ANO1: variants seen among roughly 807,000 people sequenced by gnomAD.
ANO1 encodes the protein anoctamin 1, also known as anoctamin-1.
Under a neutral mutation model 124.0 loss-of-function variants are expected in ANO1, and 59 were observed. The observed-to-expected ratio is 0.48, with a 90% CI of 0.39 to 0.59. ANO1 has a LOEUF of 0.59. Ranked by LOEUF, ANO1 falls within the 20% of genes least tolerant of loss-of-function variation. The probability of loss-of-function intolerance (pLI) is 0.00; values close to 1 mark genes in which losing one functional copy is unlikely to be tolerated. For missense variants in ANO1, 1,059 were observed against 1,328.0 expected (o/e 0.80, Z 3.15); for synonymous variants, 529 against 532.0 (o/e 0.99, Z 0.08).
intron 1 of ANO1, among the ~76,000 whole-genome samples, chr11:70,084,309 A>C (rs1285769253): frequency 2.0e-5 from 3 of 152,148 alleles, no homozygotes; most frequent in African/African-American, 7.2e-5. Context: ...TTTAGTCACC[A>C]GCTCCCTGTA....
chr11:70,128,657 C>A (rs1000345399), intron 10 of ANO1, among the ~76,000 whole-genome samples: 2 of 152,232 alleles, frequency 1.3e-5, no homozygotes, highest in African/African-American at 4.8e-5. Flanking sequence ...CTGCAGCTTC[C>A]GCCCCATCCC....
intron 1 of ANO1, among the ~76,000 whole-genome samples, chr11:70,016,748 T>G (rs782095302): frequency 1.3e-5 from 2 of 152,196 alleles, no homozygotes; most frequent in Non-Finnish European, 2.9e-5. Flanking sequence ...GGCCCCAAAG[T>G]AGGGCTGTGG....
At chr11:70,101,909 C>CCCACT (rs1486094835) in intron 2 of ANO1, among the ~76,000 whole-genome samples, 2 of 152,318 alleles carry the variant, frequency 1.3e-5, no homozygotes, top group Non-Finnish European at 2.9e-5. Flanking sequence ...GACCAAGGCC[C>CCCACT]CCACTGCCTT....
intron 11 of ANO1, among the ~76,000 whole-genome samples, chr11:70,139,734 G>A (rs1019287567): frequency 1.3e-5 from 2 of 152,148 alleles, no homozygotes; most frequent in African/African-American, 4.8e-5. Flanking sequence ...TGTGTCTATG[G>A]TAGAACAATT....
intron 1 of ANO1, among the ~76,000 whole-genome samples, chr11:70,028,139 T>C (rs901451562): frequency 6.6e-6 from 1 of 152,236 alleles, no homozygotes. Flanking sequence ...TGAATACATT[T>C]TAAAATCTGT....
At chr11:70,067,703 G>A (rs1485424088) in intron 1 of ANO1, among the ~76,000 whole-genome samples, 1 of 152,172 alleles carries the variant, frequency 6.6e-6, no homozygotes, top group Non-Finnish European at 1.5e-5. Flanking sequence ...CCCGGTGGAT[G>A]CACAGGCAGC....
At position 70,045,722 on chromosome 11, in the gene ANO1, G is replaced by A. The variant is rs578258695; in HGVS notation, c.59-32820G>A. ...AAGGCTCTCTTCCCACAATATCCAC[G>A]TGAAAAGATGTTTCAAGATGAGCTC... is the stretch of plus-strand genomic sequence containing the variant. On this transcript the variant is annotated intron_variant, in intron 1 of 27. Transcript: ENST00000531349. Among the ~76,000 whole-genome samples, 13 of 152,216 alleles carry A rather than the reference G, an allele frequency of 8.5e-5. No individual in the cohort carries two copies. The East Asian group carries it at 2.1e-3, about 25-fold the overall frequency.
chr11:70,141,521 C>CG (rs891711682), intron 11 of ANO1: 24 of 152,160 alleles, frequency 1.6e-4, no homozygotes, highest in African/African-American at 5.6e-4. Context: ...CCATTTTGAG[C>CG]GGGGGCGGGG....
chr11:70,142,715 C>T (rs1035735581), intron 11 of ANO1, among the ~76,000 whole-genome samples: 1 of 152,214 alleles, frequency 6.6e-6, no homozygotes, highest in Non-Finnish European at 1.5e-5. Context: ...CCTGCAACAA[C>T]AGGCATGCAT....
chr11:69,970,038 G>T, the ANO1 span, among the ~76,000 whole-genome samples: 1 of 152,222 alleles, frequency 6.6e-6, no homozygotes, highest in East Asian at 1.9e-4. Flanking sequence ...TCAGAAAGGG[G>T]GTTCCCCGGT....
chr11:70,124,424 C>A lies in ANO1; in HGVS notation c.962+10C>A. On this transcript the variant is annotated intron_variant, in intron 9 of 25. Transcript: ENST00000355303. ...CCATCGACCTGGTCAGGTAAGAACG[C>A]GCCACAGCCTGCGGGAATCAAGTCC... The A allele has an allele frequency of 6.2e-7, 1 of 1,613,482 alleles. No homozygotes were observed. The highest frequency in any genetic ancestry group is 1.1e-5 in the South Asian group (1 of 91,068).
At chr11:70,157,876 A>G (rs915526209) in intron 16 of ANO1, among the ~76,000 whole-genome samples, 1 of 146,992 alleles carries the variant, frequency 6.8e-6, no homozygotes, top group African/African-American at 2.5e-5. Flanking sequence ...GCTATTCGGG[A>G]GGCTGTAGTG....
At chr11:70,014,440 C>T (rs188065945) in intron 1 of ANO1, among the ~76,000 whole-genome samples, 7 of 152,292 alleles carry the variant, frequency 4.6e-5, no homozygotes, top group Admixed American at 2.6e-4. Flanking sequence ...CCCGCAAGCC[C>T]TCTGCTCCCG....
rs1360686655 is a variant in ANO1, at chr11:70,126,052, C to G, written c.963-9C>G. 1 of 1,604,818 alleles carries G rather than the reference C, an allele frequency of 6.2e-7. No individual in the cohort carries two copies. Among genetic ancestry groups the G allele is most frequent in the East Asian group, 2.2e-5 (1 of 44,610 alleles). Reference sequence around the variant, plus strand: ...GTGGGCTTGACTCTGCTCTGCTCCCCTGGTGTAGGAAGTATTTTGGGGAGA... The same window carrying G: ...GTGGGCTTGACTCTGCTCTGCTCCCGTGGTGTAGGAAGTATTTTGGGGAGA... On this transcript the variant is annotated splice_polypyrimidine_tract_variant and intron_variant, in intron 9 of 25. Coordinates refer to ENST00000355303, the MANE Select transcript of ANO1 (RefSeq NM_018043.7).
Position 70,116,622 on chromosome 11 carries a change from G to A in ANO1, c.897+123G>A. Reference sequence around the variant, plus strand: ...CCAGGGCCTCCCCAGGGCGCTCGCTGCAGGGGGCTGAGAAGCGGGTGTCCC... The same window carrying A: ...CCAGGGCCTCCCCAGGGCGCTCGCTACAGGGGGCTGAGAAGCGGGTGTCCC... On this transcript the variant is annotated intron_variant, in intron 8 of 25. Coordinates refer to ENST00000355303, the MANE Select transcript of ANO1 (RefSeq NM_018043.7). The A allele has an allele frequency of 5.7e-6, 5 of 876,450 alleles. No individual in the cohort carries two copies. The Admixed American group carries it at 7.2e-5, about 13-fold the overall frequency. 54.3% of individuals were successfully genotyped at this position (876,450 alleles called of 1,614,324 possible).
upstream of ANO1, among the ~76,000 whole-genome samples, chr11:69,984,361 TGGG>T (rs1855986863): frequency 6.6e-6 from 1 of 151,768 alleles, no homozygotes; most frequent in African/African-American, 2.4e-5. Flanking sequence ...AGTGCCTGTG[TGGG>T]ATTTTGAGTC....
At chr11:70,099,608 G>A (rs1449197101) in intron 2 of ANO1, among the ~76,000 whole-genome samples, 1 of 152,150 alleles carries the variant, frequency 6.6e-6, no homozygotes, top group Non-Finnish European at 1.5e-5. Flanking sequence ...GGGTCACCAG[G>A]ATGGAAGACC....
intron 1 of ANO1, among the ~76,000 whole-genome samples, chr11:70,009,132 T>G (rs1555000605): frequency 6.6e-6 from 1 of 152,192 alleles, no homozygotes; most frequent in Non-Finnish European, 1.5e-5. Flanking sequence ...TTTTATTATT[T>G]CCTTCTCTTA....
At chr11:70,085,637 G>A in intron 1 of ANO1, 5 of 1,532,046 alleles carry the variant, frequency 3.3e-6, no homozygotes, top group Non-Finnish European at 4.4e-6. Context: ...AGGGGTAGAG[G>A]AGTCTAGACC....
Sources: allele counts gnomAD v4.1 joint callset (sites outside exome capture counted in the v4.1 genomes callset), GRCh38; gene constraint gnomAD v4.1.1; transcripts MANE v1.5; gene names NCBI Gene and HGNC (gene_info 2026-07-23, HGNC 2026-07-21).